Variants in SLC13A1 observed in about 807,000 individuals in gnomAD.
SLC13A1 encodes Na(+)/sulfate cotransporter.
In SLC13A1, 65 loss-of-function variants were observed where a neutral mutation model predicts 70.0. The observed-to-expected ratio is 0.93, with a 90% CI of 0.76 to 1.14. The LOEUF (loss-of-function observed/expected upper bound fraction) is 1.14. Ranked by LOEUF, SLC13A1 falls within the 50% of genes most tolerant of loss-of-function variation. The probability of loss-of-function intolerance (pLI) is 0.00; values close to 1 mark genes in which losing one functional copy is unlikely to be tolerated. For missense variants in SLC13A1, 726 were observed against 717.8 expected (o/e 1.01, Z -0.13); for synonymous variants, 275 against 250.5 (o/e 1.10, Z -0.92).
chr7:123,148,499 A>G (rs778570008), intron 6 of SLC13A1: 1 of 453,530 alleles, frequency 2.2e-6, no homozygotes. Context: ...CTAGGGTGTA[A>G]GCCAAAAGCA....
intron 12 of SLC13A1, among the ~76,000 whole-genome samples, chr7:123,119,779 A>G (rs1200430793): frequency 8.1e-6 from 1 of 124,054 alleles, no homozygotes; most frequent in East Asian, 2.2e-4. Flanking sequence ...TACACCATCT[A>G]CCAAACATAT....
chr7:123,133,290 T>A (rs1204187775), intron 8 of SLC13A1, among the ~76,000 whole-genome samples: 1 of 152,084 alleles, frequency 6.6e-6, no homozygotes, highest in East Asian at 1.9e-4. Flanking sequence ...AGATCTTTAT[T>A]GTACTTGGTA....
intron 1 of SLC13A1, among the ~76,000 whole-genome samples, chr7:123,193,548 C>G (rs1796070861): frequency 6.6e-6 from 1 of 152,138 alleles, no homozygotes; most frequent in East Asian, 1.9e-4. Context: ...ATTGCAAATG[C>G]AGGAACAATG....
intron 8 of SLC13A1, among the ~76,000 whole-genome samples, chr7:123,130,691 A>AT (rs1793727742): frequency 6.6e-6 from 1 of 152,134 alleles, no homozygotes; most frequent in Non-Finnish European, 1.5e-5. Context: ...AAACCTGCAC[A>AT]TCCTGCACAT....
Position 123,134,417 on chromosome 7 carries a change from C to A in SLC13A1, c.925G>T (p.Gly309Ter), listed in dbSNP as rs771566516. ...SWIWLQWLFLGFNFKEMFKCG... is the reference protein window; with the variant it reads ...SWIWLQWLFL ...CATGAAATATTTACTTACTTGAATC[C>A]TAGGAAAAGCCACTGAAGCCAGATC... The change falls in exon 8 of 15, where the codon GGA becomes TGA. Residue 309 changes from glycine (G) to a stop codon, truncating the protein, a stop_gained. Transcript: ENST00000194130. LOFTEE classifies it high-confidence loss of function. The A allele has an allele frequency of 3.1e-6, 5 of 1,612,462 alleles. No individual in the cohort carries two copies. The South Asian group carries it at 4.4e-5, about 14-fold the overall frequency.
At position 123,171,756 on chromosome 7, in the gene SLC13A1, T is replaced by C. The variant is rs1291188484; in HGVS notation, c.365+12A>G. On this transcript the variant is annotated intron_variant, in intron 3 of 14. Coordinates refer to ENST00000194130, the MANE Select transcript of SLC13A1 (RefSeq NM_022444.4). The stretch of plus-strand genomic sequence containing the variant: ...CAGCAGGTAAACTGGAAGCAGTAAA[T>C]GCAGTACTTACCATGCAGGATTTAC... 1 of 1,613,500 alleles carries C rather than the reference T, an allele frequency of 6.2e-7. No homozygotes were observed. Among genetic ancestry groups the C allele is most frequent in the South Asian group, 1.1e-5 (1 of 90,990 alleles).
intron 6 of SLC13A1, among the ~76,000 whole-genome samples, chr7:123,157,570 A>G (rs1357627858): frequency 1.3e-5 from 2 of 152,060 alleles, no homozygotes; most frequent in Admixed American, 1.3e-4. Context: ...AGGAAAAAGC[A>G]TATGTGTATG....
chr7:123,168,797 C>T (rs528064532), intron 4 of SLC13A1, among the ~76,000 whole-genome samples: 1 of 152,070 alleles, frequency 6.6e-6, no homozygotes, highest in African/African-American at 2.4e-5. Flanking sequence ...ATGCTGTATC[C>T]AAATAGAATG....
At chr7:123,195,788 C>G (rs939150846) in intron 1 of SLC13A1, among the ~76,000 whole-genome samples, 1 of 151,930 alleles carries the variant, frequency 6.6e-6, no homozygotes, top group Non-Finnish European at 1.5e-5. Context: ...TTTTACAACC[C>G]ATCAACTAAG....
At chr7:123,149,461 TCTTCC>T (rs1794479115) in intron 6 of SLC13A1, 1 of 456,538 alleles carries the variant, frequency 2.2e-6, no homozygotes, top group East Asian at 7.0e-5. Context: ...AGTAGGAGAC[TCTTCC>T]CTTCTTTCGA....
intron 6 of SLC13A1, among the ~76,000 whole-genome samples, chr7:123,164,690 G>A (rs1416717503): frequency 2.0e-5 from 3 of 151,568 alleles, no homozygotes; most frequent in Middle Eastern, 3.2e-3. Flanking sequence ...GCTGTGTTGA[G>A]GGAAATTCAT....
rs776357739 is a variant in SLC13A1, at chr7:123,134,546, A to G, written c.813-17T>C. The G allele has an allele frequency of 5.6e-6, 9 of 1,610,496 alleles. No homozygotes were observed. The highest frequency in any genetic ancestry group is 1.3e-5 in the African/African-American group (1 of 74,804). ...GGATAGCGTCTGTGTGAAAACATGG[A>G]GACGTGTTCAGGGATGGAGAGACAG... On this transcript the variant is annotated splice_polypyrimidine_tract_variant and intron_variant, in intron 7 of 14. Transcript: ENST00000194130.
chr7:123,194,442 T>C (rs1032273722), intron 1 of SLC13A1, among the ~76,000 whole-genome samples: 3 of 152,100 alleles, frequency 2.0e-5, no homozygotes, highest in Non-Finnish European at 2.9e-5. Flanking sequence ...AAATGAAAAG[T>C]CAGAAATATC....
intron 8 of SLC13A1, among the ~76,000 whole-genome samples, chr7:123,133,782 G>T (rs1321054593): frequency 6.6e-6 from 1 of 151,968 alleles, no homozygotes; most frequent in Non-Finnish European, 1.5e-5. Flanking sequence ...CAACTGCCTT[G>T]ATCTCCCAAA....
At chr7:123,124,666 T>C (rs1372996200) in intron 11 of SLC13A1, among the ~76,000 whole-genome samples, 1 of 151,832 alleles carries the variant, frequency 6.6e-6, no homozygotes, top group Non-Finnish European at 1.5e-5. Flanking sequence ...TGGATGAATC[T>C]TGTGTTTAAA....
chr7:123,129,737 T>C lies in SLC13A1; in HGVS notation c.933-256A>G, dbSNP rs562856402. On this transcript the variant is annotated intron_variant, in intron 8 of 14. Transcript: ENST00000194130. The stretch of plus-strand genomic sequence containing the variant: ...TTCAATTTTCATTGCATATTTTCCA[T>C]GACATCCTTTACCAATCTCTTCCTT... 2.0e-5 allele frequency among the ~76,000 whole-genome samples: 3 copies of C among 152,330 alleles called. No homozygotes were observed. In the South Asian group the frequency reaches 6.2e-4, roughly 32 times the overall value.
chr7:123,146,050 C>G lies in SLC13A1; in HGVS notation c.812+1109G>C, dbSNP rs190561519. Among the ~76,000 whole-genome samples, 5 of 152,194 alleles carry G rather than the reference C, an allele frequency of 3.3e-5. No homozygotes were observed. The East Asian group carries it at 5.8e-4, about 18-fold the overall frequency. On this transcript the variant is annotated intron_variant, in intron 7 of 14. Coordinates refer to ENST00000194130, the MANE Select transcript of SLC13A1 (RefSeq NM_022444.4). ...TTATTATCTGTTCTTTTAGTAGAAC[C>G]AGTCTGAGTGCACATATGACACCAT...
intron 7 of SLC13A1, among the ~76,000 whole-genome samples, chr7:123,140,987 T>G (rs1794116558): frequency 6.6e-6 from 1 of 152,088 alleles, no homozygotes; most frequent in South Asian, 2.1e-4. Flanking sequence ...TCTCATTCTT[T>G]AAGATGCATC....
intron 7 of SLC13A1, among the ~76,000 whole-genome samples, chr7:123,145,173 C>A (rs138328639): frequency 6.6e-6 from 1 of 152,012 alleles, no homozygotes; most frequent in Non-Finnish European, 1.5e-5. Context: ...TGTGCCAGAC[C>A]CTCTGCTAGA....
Sources: allele counts gnomAD v4.1 joint callset (sites outside exome capture counted in the v4.1 genomes callset), GRCh38; gene constraint gnomAD v4.1.1; transcripts MANE v1.5; gene names NCBI Gene and HGNC (gene_info 2026-07-23, HGNC 2026-07-21).